The following CDH13 variants were observed in gnomAD, a reference collection of about 807,000 sequenced individuals.
CDH13 encodes the protein cadherin-13.
CDH13 carries 24 observed loss-of-function variants against 63.8 expected under a neutral mutation model. The ratio of observed to expected loss-of-function variants is 0.38; its 90% CI spans 0.27 to 0.53. The LOEUF is 0.53. Ranked by LOEUF, CDH13 falls within the 20% of genes least tolerant of loss-of-function variation. The pLI is 0.85. For synonymous variants in CDH13, 503 were observed against 355.3 expected (o/e 1.42, Z -4.67); for missense variants, 1,049 against 903.1 (o/e 1.16, Z -2.07).
intron 7 of CDH13, among the ~76,000 whole-genome samples, chr16:83,501,137 T>A (rs4454963): frequency 1 from 152,279 of 152,382 alleles, 76,088 homozygotes; most frequent in Non-Finnish European, 1. Context: ...CAGCTGTTTA[T>A]CTTTGCTTCC....
chr16:82,663,979 A>G (rs1912287524), intron 1 of CDH13, among the ~76,000 whole-genome samples: 1 of 152,210 alleles, frequency 6.6e-6, no homozygotes, highest in South Asian at 2.1e-4. Flanking sequence ...GTGGGCTCTC[A>G]GGACTCTTTT....
At chr16:83,712,109 A>G (rs1235632487) in intron 10 of CDH13, among the ~76,000 whole-genome samples, 2 of 152,164 alleles carry the variant, frequency 1.3e-5, no homozygotes, top group Non-Finnish European at 2.9e-5. Context: ...GGCCCACTAT[A>G]GTGATCTCCT....
At chr16:83,101,748 C>T (rs1377198640) in intron 3 of CDH13, among the ~76,000 whole-genome samples, 5 of 152,124 alleles carry the variant, frequency 3.3e-5, no homozygotes, top group African/African-American at 1.2e-4. Flanking sequence ...AAGCCGAGAT[C>T]GTGCCCCTGC....
intron 6 of CDH13, among the ~76,000 whole-genome samples, chr16:83,420,617 G>A (rs895751817): frequency 6.6e-6 from 1 of 152,186 alleles, no homozygotes; most frequent in African/African-American, 2.4e-5. Flanking sequence ...GAGGGACAGA[G>A]CTAATAGGAT....
chr16:83,408,596 G>T (rs868150194), intron 6 of CDH13, among the ~76,000 whole-genome samples: 3 of 152,262 alleles, frequency 2.0e-5, no homozygotes, highest in South Asian at 4.1e-4. Context: ...AGGAAAGCTC[G>T]ATTATAATCT....
intron 1 of CDH13, among the ~76,000 whole-genome samples, chr16:82,850,132 T>C (rs991932699): frequency 6.6e-6 from 1 of 152,236 alleles, no homozygotes; most frequent in African/African-American, 2.4e-5. Context: ...TTCTAAAGAT[T>C]GTGATTCCTC....
intron 6 of CDH13, among the ~76,000 whole-genome samples, chr16:83,363,554 C>T (rs2091203690): frequency 6.6e-6 from 1 of 152,156 alleles, no homozygotes; most frequent in South Asian, 2.1e-4. Flanking sequence ...TGGTGAGAGG[C>T]ATCACTGAAA....
At chr16:83,279,728 G>A (rs907866617) in intron 5 of CDH13, among the ~76,000 whole-genome samples, 2 of 152,142 alleles carry the variant, frequency 1.3e-5, no homozygotes, top group African/African-American at 4.8e-5. Flanking sequence ...ATCTAAAAGT[G>A]AGAAGCAAAC....
intron 1 of CDH13, among the ~76,000 whole-genome samples, chr16:82,850,853 C>T (rs949534449): frequency 2.6e-5 from 4 of 152,136 alleles, no homozygotes; most frequent in South Asian, 2.1e-4. Context: ...TTAGTAAAAA[C>T]GTATTTTTAA....
At chr16:83,754,431 G>A (rs750632125) in intron 11 of CDH13, among the ~76,000 whole-genome samples, 19 of 152,200 alleles carry the variant, frequency 1.2e-4, no homozygotes, top group Middle Eastern at 3.4e-3. Context: ...CTTGCAATGC[G>A]GCCTGACCCT....
intron 1 of CDH13, among the ~76,000 whole-genome samples, chr16:82,742,188 T>TA (rs2033962065): frequency 6.6e-6 from 1 of 152,156 alleles, no homozygotes. Context: ...GAGAATCTTG[T>TA]AAAATATAAG....
chr16:83,109,487 A>G (rs9930263), intron 3 of CDH13, among the ~76,000 whole-genome samples: 15,339 of 152,168 alleles, frequency 0.1, 890 homozygotes, highest in African/African-American at 0.15. Flanking sequence ...ACAGTGCCAC[A>G]GGGAAGGTAT....
intron 13 of CDH13, among the ~76,000 whole-genome samples, chr16:83,792,299 C>G (rs910365930): frequency 1.3e-5 from 2 of 152,194 alleles, no homozygotes; most frequent in Non-Finnish European, 2.9e-5. Flanking sequence ...AAGCTAAGGG[C>G]TTTACATAAA....
At chr16:83,064,251 C>A (rs1341401228) in intron 3 of CDH13, among the ~76,000 whole-genome samples, 3 of 152,112 alleles carry the variant, frequency 2.0e-5, no homozygotes, top group African/African-American at 7.2e-5. Context: ...CACCTGTGAT[C>A]CCAGCTATTC....
chr16:82,782,411 T>A (rs1328790110), intron 1 of CDH13, among the ~76,000 whole-genome samples: 2 of 152,050 alleles, frequency 1.3e-5, no homozygotes, highest in East Asian at 3.9e-4. Flanking sequence ...AATACAAACA[T>A]TAGCCAGGCA....
chr16:82,663,371 A>G (rs1211171308), intron 1 of CDH13, among the ~76,000 whole-genome samples: 2 of 152,062 alleles, frequency 1.3e-5, no homozygotes, highest in Admixed American at 6.5e-5. Context: ...TTTTTAGTAT[A>G]GATGGGTTTC....
chr16:82,745,193 T>C (rs1437587770), intron 1 of CDH13, among the ~76,000 whole-genome samples: 1 of 152,166 alleles, frequency 6.6e-6, no homozygotes, highest in African/African-American at 2.4e-5. Flanking sequence ...TCAGGCTGAC[T>C]TGGAGTTGTG....
At chr16:83,558,443 G>A (rs568539678) in intron 7 of CDH13, among the ~76,000 whole-genome samples, 16 of 152,322 alleles carry the variant, frequency 1.1e-4, no homozygotes, top group African/African-American at 3.4e-4. Flanking sequence ...TACCTGACTG[G>A]TTGTGCCTTG....
chr16:83,701,669 C>T (rs919594039), intron 10 of CDH13, among the ~76,000 whole-genome samples: 2 of 152,186 alleles, frequency 1.3e-5, no homozygotes, highest in African/African-American at 2.4e-5. Flanking sequence ...ACAACCCCTG[C>T]GCCCTTATCC....
Sources: allele counts gnomAD v4.1 joint callset (sites outside exome capture counted in the v4.1 genomes callset), GRCh38; gene constraint gnomAD v4.1.1; transcripts MANE v1.5; gene names NCBI Gene and HGNC (gene_info 2026-07-23, HGNC 2026-07-21).